DYM: variants seen among roughly 807,000 people sequenced by gnomAD.
The protein encoded by DYM is dyggve-Melchior-Clausen syndrome protein.
A neutral mutation model predicts 93.1 loss-of-function variants in DYM; 78 were observed. The observed-to-expected ratio is 0.84, with a 90% CI of 0.70 to 1.01. The LOEUF (loss-of-function observed/expected upper bound fraction) is 1.01. Among genes scored for constraint, DYM ranks in the 50% least tolerant of loss-of-function variants. DYM has a pLI of 0.00. For synonymous variants in DYM, 321 were observed against 319.7 expected, an observed-to-expected ratio of 1.00 and a Z score of -0.04; for missense variants, 789 against 845.0, an observed-to-expected ratio of 0.93 and a Z score of 0.82.
intron 14 of DYM, among the ~76,000 whole-genome samples, chr18:49,164,901 A>C (rs987475514): frequency 2.6e-5 from 4 of 152,212 alleles, no homozygotes; most frequent in African/African-American, 9.6e-5. Flanking sequence ...TAATAGAGCA[A>C]AACAAACAAT....
At chr18:49,307,073 C>T (rs952246774) in intron 8 of DYM, among the ~76,000 whole-genome samples, 1 of 151,812 alleles carries the variant, frequency 6.6e-6, no homozygotes, top group African/African-American at 2.4e-5. Context: ...CTCTCTTCTG[C>T]TTGTTATGAA....
Position 49,214,953 on chromosome 18 carries a change from A to G in DYM, c.1461-5238T>C, listed in dbSNP as rs145233525. Reference sequence around the variant, plus strand: ...CAGGAGGTCATCATGTGCAAGATCTATCCACAGAAGAATATCTAACATCCC... The same window carrying G: ...CAGGAGGTCATCATGTGCAAGATCTGTCCACAGAAGAATATCTAACATCCC... On this transcript the variant is annotated intron_variant, in intron 13 of 17. Transcript: ENST00000675505. Among the ~76,000 whole-genome samples the G allele has an allele frequency of 2.5e-4, 38 of 152,306 alleles. 1 individual carries two copies. Among genetic ancestry groups the G allele is most frequent in the Non-Finnish European group, 4.0e-4 (27 of 68,010 alleles).
In DYM at chr18:49,266,367, G is replaced by A. The variant is rs569780897; in HGVS notation, c.1251+5811C>T. Among the ~76,000 whole-genome samples, 12 of 152,280 alleles carry A rather than the reference G, an allele frequency of 7.9e-5. 1 individual carries two copies. The South Asian group carries it at 2.5e-3, about 32-fold the overall frequency. ...ATGGTGGCTCACACCTGTAATCACA[G>A]CACTTTGGGAGGCTGAGATAGGCAA... On this transcript the variant is annotated intron_variant, in intron 11 of 17. Transcript: ENST00000675505.
intron 2 of DYM, among the ~76,000 whole-genome samples, chr18:49,405,265 AAT>A (rs1431929808): frequency 6.6e-6 from 1 of 152,078 alleles, no homozygotes; most frequent in East Asian, 1.9e-4. Flanking sequence ...TCCACTGGTC[AAT>A]TTTTGTTTTT....
At chr18:49,390,296 G>A (rs947715587) in intron 3 of DYM, among the ~76,000 whole-genome samples, 9 of 152,022 alleles carry the variant, frequency 5.9e-5, no homozygotes, top group Non-Finnish European at 2.9e-5. Flanking sequence ...CAGGTGTGGT[G>A]CCATGCACCT....
intron 15 of DYM, among the ~76,000 whole-genome samples, chr18:49,138,230 T>C (rs1477227212): frequency 6.6e-6 from 1 of 152,190 alleles, no homozygotes; most frequent in Non-Finnish European, 1.5e-5. Flanking sequence ...AGAATGATTA[T>C]AACCTTCTAA....
chr18:49,334,234 G>A (rs2063511459), intron 6 of DYM, among the ~76,000 whole-genome samples: 3 of 152,194 alleles, frequency 2.0e-5, no homozygotes. Context: ...TAAAGCTGAA[G>A]AGAAGGTACA....
At chr18:49,401,220 T>A (rs539506178) in intron 2 of DYM, among the ~76,000 whole-genome samples, 1 of 152,184 alleles carries the variant, frequency 6.6e-6, no homozygotes, top group African/African-American at 2.4e-5. Context: ...TTAAAACTAG[T>A]AATCTCTTAG....
chr18:49,205,029 C>T (rs2092397947), intron 14 of DYM, among the ~76,000 whole-genome samples: 1 of 152,182 alleles, frequency 6.6e-6, no homozygotes, highest in African/African-American at 2.4e-5. Context: ...GGCGTGATCT[C>T]GGCTTACTGC....
At chr18:49,267,105 G>T (rs2094582749) in intron 11 of DYM, among the ~76,000 whole-genome samples, 3 of 151,712 alleles carry the variant, frequency 2.0e-5, no homozygotes, top group South Asian at 4.2e-4. Flanking sequence ...TTTTTAAAAA[G>T]TTAGAAAGAT....
At chr18:49,397,013 TAAC>T (rs2070182472) in intron 2 of DYM, among the ~76,000 whole-genome samples, 2 of 152,182 alleles carry the variant, frequency 1.3e-5, no homozygotes, top group African/African-American at 4.8e-5. Context: ...TGACTAGAGT[TAAC>T]AATAATGTAC....
intron 13 of DYM, among the ~76,000 whole-genome samples, chr18:49,223,507 A>C (rs1473403029): frequency 6.6e-6 from 1 of 152,134 alleles, no homozygotes; most frequent in Non-Finnish European, 1.5e-5. Flanking sequence ...GATTTGAACT[A>C]ATCAAAATAA....
chr18:49,157,550 T>C (rs2144907347), intron 15 of DYM, among the ~76,000 whole-genome samples: 1 of 152,332 alleles, frequency 6.6e-6, no homozygotes, highest in East Asian at 1.9e-4. Flanking sequence ...AATGACATAC[T>C]TAAGGCCACA....
chr18:49,053,302 A>T (rs2144422891), intron 17 of DYM, among the ~76,000 whole-genome samples: 1 of 152,358 alleles, frequency 6.6e-6, no homozygotes, highest in Middle Eastern at 3.4e-3. Flanking sequence ...TTCAGTGAAC[A>T]GATGGAGGGC....
chr18:49,202,842 A>G (rs1459301878), intron 14 of DYM, among the ~76,000 whole-genome samples: 1 of 69,720 alleles, frequency 1.4e-5, no homozygotes, highest in African/African-American at 4.9e-5. Context: ...CCCGGCAGCC[A>G]CCCCATCTGG....
At chr18:49,301,758 T>G (rs2060951696) in intron 8 of DYM, among the ~76,000 whole-genome samples, 1 of 152,182 alleles carries the variant, frequency 6.6e-6, no homozygotes, top group Admixed American at 6.5e-5. Flanking sequence ...TTGTTTTTCA[T>G]CTCAGAAATA....
Position 49,103,050 on chromosome 18 carries a change from TA to T in DYM, c.1912-5536del, listed in dbSNP as rs545630482. 6.1e-4 allele frequency among the ~76,000 whole-genome samples: 93 copies of T among 152,360 alleles called. 1 individual carries two copies. Among genetic ancestry groups the T allele is most frequent in the Non-Finnish European group, 1.2e-3 (79 of 68,038 alleles). On this transcript the variant is annotated intron_variant, in intron 16 of 17. Transcript: ENST00000675505. The stretch of plus-strand genomic sequence containing the variant: ...CCCACCAACAGTGTAAGAGTGTTCC[TA>T]TTTCTCCACACCCTCCCCAGCACCT...
chr18:49,217,966 G>T (rs889456394), intron 13 of DYM, among the ~76,000 whole-genome samples: 1 of 152,116 alleles, frequency 6.6e-6, no homozygotes, highest in South Asian at 2.1e-4. Flanking sequence ...TGGCAAATTG[G>T]ATAAACGGTC....
intron 17 of DYM, among the ~76,000 whole-genome samples, chr18:49,058,027 G>A (rs2075647876): frequency 6.6e-6 from 1 of 152,250 alleles, no homozygotes; most frequent in Non-Finnish European, 1.5e-5. Context: ...GCTAGACTCT[G>A]TTAGCACCTT....
Sources: allele counts gnomAD v4.1 joint callset (sites outside exome capture counted in the v4.1 genomes callset), GRCh38; gene constraint gnomAD v4.1.1; transcripts MANE v1.5; gene names NCBI Gene and HGNC (gene_info 2026-07-23, HGNC 2026-07-21).